The following CORO7 variants were observed in gnomAD, a reference collection of about 807,000 sequenced individuals.
CORO7 encodes coronin 7.
A neutral mutation model predicts 126.6 loss-of-function variants in CORO7; 107 were observed. That is an observed-to-expected ratio of 0.85 (90% CI 0.72 to 0.99). CORO7 has a LOEUF of 0.99. Ranked by LOEUF, CORO7 falls within the 50% of genes least tolerant of loss-of-function variation. The pLI is 0.00. For synonymous variants in CORO7, 603 were observed against 536.8 expected (o/e 1.12, Z -1.70); for missense variants, 1,314 against 1,255.8 (o/e 1.05, Z -0.70).
intron 2 of CORO7, 147 bp downstream of exon 2, chr16:4,413,161 T>C (rs1205499257): frequency 6.6e-6 from 5 of 755,768 alleles, no homozygotes; most frequent in Non-Finnish European, 1.0e-5. Flanking sequence ...GGGTCTAAGG[T>C]CTGGCATGGG....
chr16:4,408,025 G>A (rs1458898418), intron 4 of CORO7, among the ~76,000 whole-genome samples, 156 bp downstream of exon 4: 3 of 152,188 alleles, frequency 2.0e-5, no homozygotes, highest in Non-Finnish European at 2.9e-5. Context: ...GGGAGCCAGT[G>A]TGGGACCAGG....
chr16:4,379,457 C>A (rs1359574339), intron 9 of CORO7, among the ~76,000 whole-genome samples: 1 of 152,024 alleles, frequency 6.6e-6, no homozygotes, highest in Non-Finnish European at 1.5e-5. Context: ...GCCCCCGCCC[C>A]CAGGGCCATC....
At chr16:4,394,449 A>C (rs954121598) in intron 7 of CORO7, among the ~76,000 whole-genome samples, 3 of 132,844 alleles carry the variant, frequency 2.3e-5, no homozygotes, top group Admixed American at 7.2e-5. Context: ...ACTCCGTCTC[A>C]AAAAAAAAAA....
chr16:4,372,005 T>G (rs2054549964), intron 9 of CORO7: 1 of 152,192 alleles, frequency 6.6e-6, no homozygotes, highest in East Asian at 1.9e-4. Context: ...TGAGTTTCTG[T>G]GGGGCTGGGG....
intron 6 of CORO7, among the ~76,000 whole-genome samples, chr16:4,402,977 T>G (rs1392086920): frequency 5.6e-5 from 8 of 142,608 alleles, no homozygotes; most frequent in South Asian, 2.2e-4. Context: ...AGGACAGGAG[T>G]GGAAGCCAGG....
At chr16:4,384,817 G>C (rs1258616441) in intron 9 of CORO7, among the ~76,000 whole-genome samples, 1 of 152,200 alleles carries the variant, frequency 6.6e-6, no homozygotes, top group African/African-American at 2.4e-5. Flanking sequence ...GTCCCATTAG[G>C]GGAGTGGCTG....
chr16:4,383,015 G>A lies in CORO7; in HGVS notation c.785+4971C>T, dbSNP rs116096591. The A allele has an allele frequency of 5.2e-3, 6,095 of 1,175,978 alleles. 264 individuals carry two copies. In the African/African-American group the frequency reaches 0.087, roughly 17 times the overall value. 72.8% of individuals were successfully genotyped at this position (1,175,978 alleles called of 1,614,324 possible). A position where few individuals can be genotyped will look rare whatever the true frequency, so the allele number is the denominator to read the frequency against. On this transcript the variant is annotated intron_variant, in intron 9 of 27. Transcript: ENST00000251166. ...CCAACCTCGGGGATGTGTGCAGACA[G>A]GGCTGTGTGACCACAGCTGGGCCCT...
chr16:4,390,222 C>G (rs1156283635), intron 7 of CORO7, among the ~76,000 whole-genome samples: 2 of 152,178 alleles, frequency 1.3e-5, no homozygotes, highest in Admixed American at 1.3e-4. Context: ...GCCTGGCCAC[C>G]TCCCTTGGTG....
Position 4,413,753 on chromosome 16 carries a change from G to C in CORO7, c.61-349C>G, listed in dbSNP as rs557032172. On this transcript the variant is annotated intron_variant, in intron 1 of 27. Transcript: ENST00000251166. ...GGGTTTCACCATGTTGGCCAGGCTG[G>C]TCTCGAACTCCTGGCCTCAAGTGAT... 4.0e-5 allele frequency among the ~76,000 whole-genome samples: 6 copies of C among 151,688 alleles called. No homozygotes were observed. In the East Asian group the frequency reaches 5.9e-4, roughly 15 times the overall value.
chr16:4,374,556 G>A lies in CORO7; in HGVS notation c.786-9011C>T, dbSNP rs1192820908. On this transcript the variant is annotated intron_variant, in intron 9 of 27. Transcript: ENST00000251166. ...GAGGGAGCCGGCCTACACCGGGAAG[G>A]GGCTGGGGCGGCCGCTGGGGCCCCT... Among the ~76,000 whole-genome samples, 4 of 152,282 alleles carry A rather than the reference G, an allele frequency of 2.6e-5. No homozygotes were observed. In the South Asian group the frequency reaches 6.2e-4, roughly 24 times the overall value.
intron 9 of CORO7, among the ~76,000 whole-genome samples, chr16:4,369,310 G>C (rs1395040765): frequency 1.3e-5 from 2 of 152,272 alleles, no homozygotes; most frequent in African/African-American, 2.4e-5. Flanking sequence ...CCTGACCCCA[G>C]GCTGTGTGAA....
At chr16:4,367,281 C>G (rs1357849046) in intron 9 of CORO7, among the ~76,000 whole-genome samples, 3 of 152,136 alleles carry the variant, frequency 2.0e-5, no homozygotes, top group African/African-American at 7.2e-5. Flanking sequence ...GGGTAGGGGA[C>G]CAAGGTGGTG....
chr16:4,359,974 CT>C (rs1213890495), intron 21 of CORO7, among the ~76,000 whole-genome samples: 3 of 129,736 alleles, frequency 2.3e-5, no homozygotes, highest in Non-Finnish European at 3.3e-5. Flanking sequence ...CCCTACCCCC[CT>C]CACCCTCCCC....
In CORO7 at chr16:4,407,582, G is replaced by A. The variant is rs529649583; in HGVS notation, c.406C>T (p.Pro136Ser). 6.3e-7 allele frequency: 1 copy of A among 1,591,006 alleles called. No individual in the cohort carries two copies. Among genetic ancestry groups the A allele is most frequent in the Non-Finnish European group, 8.6e-7 (1 of 1,168,724 alleles). The change falls in exon 5 of 28, where the codon CCC (proline) becomes TCC (serine). Residue 136 changes from proline (P) to serine (S), a missense_variant. Physicochemically the swap from Pro to Ser is moderately conservative, Grantham distance 74. Transcript: ENST00000251166. ...CTCACCAGAATGCCGTCAGAGGTGG[G>A]GTGGAACTGCAGTACCTCCACTGGG... Reference protein sequence around the residue: ...DLPVEVLQFHPTSDGILVSAA... With the variant: ...DLPVEVLQFHSTSDGILVSAA...
chr16:4,376,305 G>A (rs561407155), intron 9 of CORO7, among the ~76,000 whole-genome samples: 2 of 152,336 alleles, frequency 1.3e-5, no homozygotes, highest in African/African-American at 4.8e-5. Context: ...CGCCGGCACA[G>A]TCCCGCCTGC....
At chr16:4,406,788 C>T (rs1163889723) in intron 5 of CORO7, among the ~76,000 whole-genome samples, 2 of 150,012 alleles carry the variant, frequency 1.3e-5, no homozygotes, top group Non-Finnish European at 3.0e-5. Flanking sequence ...TACAGGCACC[C>T]GCCACCACAC....
chr16:4,378,802 C>T (rs976165951), intron 9 of CORO7, among the ~76,000 whole-genome samples: 1 of 151,906 alleles, frequency 6.6e-6, no homozygotes, highest in Non-Finnish European at 1.5e-5. Flanking sequence ...AGGGGGCACA[C>T]GACAGCAAGG....
chr16:4,355,179 A>G lies in CORO7; in HGVS notation c.2773-16T>C. On this transcript the variant is annotated splice_polypyrimidine_tract_variant and intron_variant, in intron 27 of 27. Coordinates refer to ENST00000251166, the MANE Select transcript of CORO7 (RefSeq NM_024535.5). ...CAGGCTAGTCCTGGGGCGAAACACC[A>G]AGAGGTGGGAGGGAGTCAGGAGGGC... 1 of 1,552,278 alleles carries G rather than the reference A, an allele frequency of 6.4e-7. No individual in the cohort carries two copies. Among genetic ancestry groups the G allele is most frequent in the South Asian group, 1.2e-5 (1 of 82,510 alleles).
At chr16:4,403,805 G>A (rs112895664) in intron 6 of CORO7, among the ~76,000 whole-genome samples, 2 of 152,156 alleles carry the variant, frequency 1.3e-5, no homozygotes, top group African/African-American at 4.8e-5. Context: ...AAGATGTCAC[G>A]GTCCCAAGGC....
Sources: allele counts gnomAD v4.1 joint callset (sites outside exome capture counted in the v4.1 genomes callset), GRCh38; gene constraint gnomAD v4.1.1; transcripts MANE v1.5; gene names NCBI Gene and HGNC (gene_info 2026-07-23, HGNC 2026-07-21).